Variants in SLC12A2 observed in about 807,000 individuals in gnomAD.
SLC12A2 encodes Na-K-2Cl cotransporter 1.
In SLC12A2, 67 loss-of-function variants were observed where a neutral mutation model predicts 136.3. That is an observed-to-expected ratio of 0.49 (90% CI 0.40 to 0.60). The LOEUF is 0.60. Among genes scored for constraint, SLC12A2 ranks in the 20% least tolerant of loss-of-function variants. The pLI is 0.00. For synonymous variants in SLC12A2, 619 were observed against 562.9 expected, an observed-to-expected ratio of 1.10 and a Z score of -1.41; for missense variants, 1,322 against 1,534.7, an observed-to-expected ratio of 0.86 and a Z score of 2.32.
At chr5:128,172,642 G>A (rs1419783381) in intron 19 of SLC12A2, among the ~76,000 whole-genome samples, 1 of 152,170 alleles carries the variant, frequency 6.6e-6, no homozygotes, top group African/African-American at 2.4e-5. Flanking sequence ...CCTAAGTAAG[G>A]TATAATTACT....
chr5:128,172,547 G>A (rs1039032674), intron 19 of SLC12A2, among the ~76,000 whole-genome samples: 3 of 152,168 alleles, frequency 2.0e-5, no homozygotes, highest in Non-Finnish European at 4.4e-5. Flanking sequence ...AATCATTACT[G>A]TATAATTTTG....
chr5:128,161,207 GAAA>G (rs1236859260), intron 16 of SLC12A2, among the ~76,000 whole-genome samples: 1 of 152,154 alleles, frequency 6.6e-6, no homozygotes, highest in East Asian at 1.9e-4. Flanking sequence ...GAATTTTAAA[GAAA>G]AATGCATTAA....
chr5:128,114,407 A>T lies in SLC12A2; in HGVS notation c.952+120A>T, dbSNP rs1008212505. ...TTAACTACGTTTTCCTTTATATCAG[A>T]TTGTTATCTTGATGTTCCTTTTTTC... is the stretch of plus-strand genomic sequence containing the variant. On this transcript the variant is annotated intron_variant, in intron 3 of 26. Coordinates refer to ENST00000262461, the MANE Select transcript of SLC12A2 (RefSeq NM_001046.3). 8.1e-6 allele frequency: 7 copies of T among 861,174 alleles called. No individual in the cohort carries two copies. The African/African-American group carries it at 1.2e-4, about 15-fold the overall frequency. 53.3% of individuals were successfully genotyped at this position (861,174 alleles called of 1,614,324 possible).
chr5:128,100,778 A>G (rs1296866967), intron 1 of SLC12A2, among the ~76,000 whole-genome samples: 3 of 152,192 alleles, frequency 2.0e-5, no homozygotes, highest in Non-Finnish European at 2.9e-5. Context: ...TAGAAATTGT[A>G]CAGTTACTAA....
intron 4 of SLC12A2, among the ~76,000 whole-genome samples, chr5:128,123,735 G>A (rs1271644214): frequency 3.3e-5 from 5 of 152,182 alleles, no homozygotes; most frequent in Non-Finnish European, 7.4e-5. Context: ...TTGAGTATAT[G>A]GCTTGTCATT....
At chr5:128,152,885 G>A in intron 15 of SLC12A2, 80 bp downstream of exon 15, 2 of 878,318 alleles carry the variant, frequency 2.3e-6, no homozygotes, top group Middle Eastern at 2.2e-4. Context: ...ACATTTTCAT[G>A]TACATTTCAC....
chr5:128,159,890 A>T (rs1762985401), intron 16 of SLC12A2, among the ~76,000 whole-genome samples: 2 of 152,226 alleles, frequency 1.3e-5, no homozygotes, highest in African/African-American at 4.8e-5. Context: ...ATTACTGGGT[A>T]TATACCCAAA....
chr5:128,084,126 G>C lies in SLC12A2; in HGVS notation c.172G>C (p.Asp58His). ...PASRDGGGVR[D>H]EGPAAAGDGL... is the part of the protein sequence containing the mutation. ...GAGCCGGGACGGCGGCGGGGTCCGCGATGAGGGCCCCGCGGCGGCCGGGGA... is the reference window on the plus strand; with the variant it reads ...GAGCCGGGACGGCGGCGGGGTCCGCCATGAGGGCCCCGCGGCGGCCGGGGA... The change falls in exon 1 of 27, where the codon GAT becomes CAT. Residue 58 changes from aspartate (D) to histidine (H), a missense_variant. This residue lies in a region of SLC12A2 where 358 missense variants were observed against 299.7 expected (regional missense o/e 1.19). Transcript: ENST00000262461. The surrounding 1 kb of genome is among the most constrained non-coding windows in gnomAD (Gnocchi z 5.6). 1 of 1,303,612 alleles carries C rather than the reference G, an allele frequency of 7.7e-7. No homozygotes were observed. The highest frequency in any genetic ancestry group is 9.7e-7 in the Non-Finnish European group (1 of 1,031,182). 80.8% of individuals were successfully genotyped at this position (1,303,612 alleles called of 1,614,324 possible).
At chr5:128,085,853 A>G (rs1760083350) in intron 1 of SLC12A2, among the ~76,000 whole-genome samples, 1 of 152,226 alleles carries the variant, frequency 6.6e-6, no homozygotes, top group Non-Finnish European at 1.5e-5. Flanking sequence ...GAGCTCTTAC[A>G]GCTTATTGAT....
chr5:128,164,672 C>G (rs1236199100), intron 17 of SLC12A2, among the ~76,000 whole-genome samples: 1 of 152,022 alleles, frequency 6.6e-6, no homozygotes, highest in African/African-American at 2.4e-5. Flanking sequence ...TTTGTTTGTA[C>G]AGTGACTTTT....
chr5:128,150,748 T>C (rs562291634), intron 13 of SLC12A2, among the ~76,000 whole-genome samples: 1 of 151,900 alleles, frequency 6.6e-6, no homozygotes, highest in African/African-American at 2.4e-5. Flanking sequence ...TGGGAAGATA[T>C]GTGTTTCTGT....
chr5:128,178,369 T>TTAAA lies in SLC12A2; in HGVS notation c.2978-196_2978-195insAATA, dbSNP rs1763598581. 8 of 342,512 alleles carry TTAAA rather than the reference T, an allele frequency of 2.3e-5. No homozygotes were observed. In the South Asian group the frequency reaches 1.1e-3, roughly 45 times the overall value. The allele number at this position is 342,512 out of a possible 1,614,324, so 21.2% of individuals were successfully genotyped here. ...GGATTGGTTTAGCTATTGTAAAGAG[T>TTAAA]TATTTCTCTCTAGCCATTTATAAAG... On this transcript the variant is annotated intron_variant, in intron 21 of 26. Coordinates refer to ENST00000262461, the MANE Select transcript of SLC12A2 (RefSeq NM_001046.3).
At chr5:128,162,717 T>TTG (rs1763079249) in intron 17 of SLC12A2, among the ~76,000 whole-genome samples, 1 of 151,928 alleles carries the variant, frequency 6.6e-6, no homozygotes, top group African/African-American at 2.4e-5. Context: ...AAGCGAAAGA[T>TTG]ATGAACAGAG....
rs1763889159 is a variant in SLC12A2 at position 128,186,956 on chromosome 5, T to C, written c.*325T>C. 5.3e-6 allele frequency: 1 copy of C among 188,404 alleles called. No homozygotes were observed. The allele number at this position is 188,404 out of a possible 1,614,324, so 11.7% of individuals were successfully genotyped here. A position where few individuals can be genotyped will look rare whatever the true frequency, so the allele number is the denominator to read the frequency against. On this transcript the variant is annotated 3_prime_UTR_variant, in exon 27 of 27. Coordinates refer to ENST00000262461, the MANE Select transcript of SLC12A2 (RefSeq NM_001046.3). ...AAAGAAGTACAAAAAGCCTTTAGCC[T>C]TGAGGTGCCTTCTGAAATTAACCAA... is the stretch of plus-strand genomic sequence containing the variant.
At chr5:128,174,241 G>A (rs1758189989) in intron 19 of SLC12A2, among the ~76,000 whole-genome samples, 1 of 152,052 alleles carries the variant, frequency 6.6e-6, no homozygotes, top group Non-Finnish European at 1.5e-5. Flanking sequence ...GCATTACATA[G>A]TACTTACCAG....
Position 128,188,544 on chromosome 5 carries a change from C to G in SLC12A2, c.*1913C>G, listed in dbSNP as rs980859693. The G allele has an allele frequency of 6.6e-6, 1 of 151,908 alleles. No homozygotes were observed. The highest frequency in any genetic ancestry group is 1.5e-5 in the Non-Finnish European group (1 of 67,992). 9.4% of individuals were successfully genotyped at this position (151,908 alleles called of 1,614,324 possible). On this transcript the variant is annotated 3_prime_UTR_variant, in exon 27 of 27. Transcript: ENST00000262461. ...TCTTGACCTTGTGATCCACCCGCCT[C>G]AGCCTCCCAGAGTGCTGGGATTACA...
chr5:128,182,787 G>T, intron 23 of SLC12A2, 68 bp from the exon 24 acceptor site: 1 of 1,048,960 alleles, frequency 9.5e-7, no homozygotes. Context: ...ATGCTTTTTA[G>T]ATATATGGAT....
intron 4 of SLC12A2, among the ~76,000 whole-genome samples, chr5:128,126,966 A>ATAATTTTTTTT: frequency 4.7e-5 from 1 of 21,156 alleles, no homozygotes; most frequent in East Asian, 8.2e-4. Context: ...ATATATATAT[A>ATAATTTTTTTT]TTTTTTTTTT....
chr5:128,102,248 A>G (rs1488981453), intron 1 of SLC12A2, among the ~76,000 whole-genome samples: 1 of 152,188 alleles, frequency 6.6e-6, no homozygotes, highest in Non-Finnish European at 1.5e-5. Context: ...TAAAATACAA[A>G]TGTATAACGT....
Sources: gnomAD v4.1 joint callset for allele counts (sites outside exome capture counted in the v4.1 genomes callset) on GRCh38, gnomAD v4.1.1 for gene constraint, gnomAD v4.1.1 regional missense constraint, Gnocchi (gnomAD v3.1) non-coding constraint, MANE v1.5 for transcripts, NCBI Gene and HGNC (gene_info 2026-07-23, HGNC 2026-07-21) for gene names.